Variants in TLK1 observed in about 807,000 individuals in gnomAD.
TLK1 encodes the protein tousled like kinase 1.
Under a neutral mutation model 105.3 loss-of-function variants are expected in TLK1, and 24 were observed. That is an observed-to-expected ratio of 0.23 (90% CI 0.17 to 0.32). The LOEUF (loss-of-function observed/expected upper bound fraction) is 0.32. Ranked by LOEUF, TLK1 falls within the 10% of genes least tolerant of loss-of-function variation. The pLI is 1.00. For missense variants in TLK1, 558 were observed against 910.5 expected (o/e 0.61, Z 4.98); for synonymous variants, 321 against 310.4 (o/e 1.03, Z -0.36).
chr2:171,124,149 G>C (rs1575611758), intron 1 of TLK1, among the ~76,000 whole-genome samples: 1 of 152,156 alleles, frequency 6.6e-6, no homozygotes, highest in South Asian at 2.1e-4. Context: ...TATAGTTTGA[G>C]ACTAGAAAAT....
intron 1 of TLK1, among the ~76,000 whole-genome samples, chr2:171,193,452 A>G (rs1358010411): frequency 6.7e-6 from 1 of 148,306 alleles, no homozygotes; most frequent in Non-Finnish European, 1.5e-5. Flanking sequence ...GCTGGAGTCC[A>G]GTGGCGCGAT....
At chr2:171,161,070 C>T (rs1692482858), upstream of TLK1, among the ~76,000 whole-genome samples, 1 of 148,190 alleles carries the variant, frequency 6.7e-6, no homozygotes, top group South Asian at 2.1e-4. Flanking sequence ...AGCGAGCGCG[C>T]GAGGGAAGAG....
intron 1 of TLK1, among the ~76,000 whole-genome samples, chr2:171,123,817 A>G (rs984095770): frequency 5.9e-5 from 9 of 152,194 alleles, no homozygotes; most frequent in African/African-American, 1.9e-4. Context: ...TTTGCTTAAA[A>G]ACAAACAAAC....
At chr2:171,005,603 G>C (rs1684615327) in intron 18 of TLK1, among the ~76,000 whole-genome samples, 1 of 152,144 alleles carries the variant, frequency 6.6e-6, no homozygotes, top group South Asian at 2.1e-4. Context: ...GGGCATAGTG[G>C]TGCGTACCTG....
intron 1 of TLK1, among the ~76,000 whole-genome samples, chr2:171,131,384 T>C (rs897483755): frequency 5.3e-5 from 8 of 152,194 alleles, no homozygotes; most frequent in African/African-American, 1.7e-4. Context: ...ATTTAGTGAT[T>C]CAAATAAATT....
chr2:171,071,841 C>T (rs1688272122), intron 3 of TLK1, among the ~76,000 whole-genome samples: 2 of 152,142 alleles, frequency 1.3e-5, no homozygotes, highest in Admixed American at 1.3e-4. Context: ...ACAGACTGTC[C>T]TTTCCCCAAT....
At chr2:171,180,753 T>C (rs1010378517) in intron 1 of TLK1, among the ~76,000 whole-genome samples, 2 of 152,192 alleles carry the variant, frequency 1.3e-5, no homozygotes, top group East Asian at 3.9e-4. Flanking sequence ...TTTTCAGTCA[T>C]GTAAATTCTG....
intron 1 of TLK1, among the ~76,000 whole-genome samples, chr2:171,180,003 A>G (rs78269476): frequency 0.045 from 6,804 of 151,776 alleles, 445 homozygotes; most frequent in East Asian, 0.29. Context: ...GCTGAAGCAC[A>G]AGAATCACTG....
At chr2:171,111,585 CAAAA>C (rs34969114) in intron 2 of TLK1, among the ~76,000 whole-genome samples, 2 of 113,884 alleles carry the variant, frequency 1.8e-5, no homozygotes, top group African/African-American at 3.2e-5. Context: ...ATCCTGTATT[CAAAA>C]AAAAAAAAAA....
At chr2:171,145,196 T>A (rs1203818620) in intron 1 of TLK1, among the ~76,000 whole-genome samples, 5 of 151,902 alleles carry the variant, frequency 3.3e-5, no homozygotes, top group African/African-American at 1.2e-4. Flanking sequence ...TAGTCCTAGC[T>A]ACTGGAAAGG....
chr2:171,043,535 C>T (rs552206786), intron 11 of TLK1, among the ~76,000 whole-genome samples: 88 of 152,006 alleles, frequency 5.8e-4, no homozygotes, highest in Admixed American at 1.1e-3. Context: ...AATGACTCTA[C>T]GACATGAAAA....
rs1013447832 is a variant in TLK1, at chr2:171,160,681, G to A, written c.-253C>T. The A allele has an allele frequency of 4.9e-5, 27 of 552,924 alleles. No homozygotes were observed. The highest frequency in any genetic ancestry group is 9.0e-5 in the South Asian group (3 of 33,414). The allele number at this position is 552,924 out of a possible 1,614,324, so 34.3% of individuals were successfully genotyped here. ...GGGAGCGAGCGGGCGCGCCAGAGGAGAGGAGGAGGAAAGGAGCGCGGCGGC... is the reference window on the plus strand; with the variant it reads ...GGGAGCGAGCGGGCGCGCCAGAGGAAAGGAGGAGGAAAGGAGCGCGGCGGC... On this transcript the variant is annotated 5_prime_UTR_variant, in exon 1 of 21. Transcript: ENST00000431350. The surrounding 1 kb of genome is among the most constrained non-coding windows in gnomAD (Gnocchi z 4.4).
chr2:171,198,541 G>A (rs550953374), intron 1 of TLK1, among the ~76,000 whole-genome samples: 1 of 152,196 alleles, frequency 6.6e-6, no homozygotes, highest in Admixed American at 6.5e-5. Flanking sequence ...GATTTGGATA[G>A]ATGTATAAAA....
At chr2:171,013,078 G>A (rs1575513140) in intron 13 of TLK1, among the ~76,000 whole-genome samples, 1 of 151,482 alleles carries the variant, frequency 6.6e-6, no homozygotes, top group East Asian at 1.9e-4. Flanking sequence ...GCCCAGGCTG[G>A]AGTGCAGTGG....
rs56006919 is a variant in TLK1, at chr2:171,006,654, G to C, written c.1599-11C>G. ...AACACTGTACAAAACCTACAACAGA[G>C]AAGAGAAAAAAATTAGACATAAGTA... is the stretch of plus-strand genomic sequence containing the variant. On this transcript the variant is annotated splice_polypyrimidine_tract_variant and intron_variant, in intron 16 of 20. Transcript: ENST00000431350. The C allele has an allele frequency of 3.1e-6, 5 of 1,611,380 alleles. No individual in the cohort carries two copies. In the African/African-American group the frequency reaches 4.0e-5, roughly 13 times the overall value.
At chr2:171,169,108 A>G (rs1692674521) in intron 1 of TLK1, among the ~76,000 whole-genome samples, 1 of 152,072 alleles carries the variant, frequency 6.6e-6, no homozygotes, top group African/African-American at 2.4e-5. Context: ...TTTTTGATCC[A>G]CTAATTTCAT....
chr2:171,117,627 T>A, intron 2 of TLK1, 112 bp downstream of exon 2: 1 of 790,338 alleles, frequency 1.3e-6, no homozygotes, highest in Admixed American at 2.3e-5. Flanking sequence ...ATTCTACACA[T>A]TATAAAAGTT....
At chr2:171,117,635 G>T in intron 2 of TLK1, 104 bp downstream of exon 2, 1 of 854,628 alleles carries the variant, frequency 1.2e-6, no homozygotes, top group Non-Finnish European at 1.9e-6. Flanking sequence ...CATTATAAAA[G>T]TTACATTTGC....
At chr2:171,134,725 CTTTTTTT>C (rs572825171) in intron 1 of TLK1, among the ~76,000 whole-genome samples, 4 of 103,798 alleles carry the variant, frequency 3.9e-5, no homozygotes, top group Non-Finnish European at 5.5e-5. Flanking sequence ...ACTATTTGGC[CTTTTTTT>C]TTTTTTTTTT....
Sources: gnomAD v4.1 joint callset for allele counts (sites outside exome capture counted in the v4.1 genomes callset) on GRCh38, gnomAD v4.1.1 for gene constraint, Gnocchi (gnomAD v3.1) non-coding constraint, MANE v1.5 for transcripts, NCBI Gene and HGNC (gene_info 2026-07-23, HGNC 2026-07-21) for gene names.